MSRA: variants seen among roughly 807,000 people sequenced by gnomAD.
MSRA encodes methionine sulfoxide reductase A.
In MSRA, 54 loss-of-function variants were observed where a neutral mutation model predicts 31.3. The observed-to-expected ratio is 1.73, with a 90% confidence interval of 1.39 to 2.17. The LOEUF is 2.17. Among genes scored for constraint, MSRA ranks in the 30% most tolerant of loss-of-function variants. The probability of loss-of-function intolerance (pLI) is 0.00; values close to 1 mark genes in which losing one functional copy is unlikely to be tolerated. For synonymous variants in MSRA, 169 were observed against 116.5 expected, an observed-to-expected ratio of 1.45 and a Z score of -2.90; for missense variants, 507 against 300.9, an observed-to-expected ratio of 1.69 and a Z score of -5.07.
At chr8:10,380,849 G>C (rs901102917) in intron 5 of MSRA, among the ~76,000 whole-genome samples, 2 of 151,180 alleles carry the variant, frequency 1.3e-5, no homozygotes, top group African/African-American at 4.9e-5. Flanking sequence ...ATGGAATGCT[G>C]GCTGGCTGGC....
chr8:10,353,917 A>G (rs1361090627), intron 5 of MSRA: 1 of 219,068 alleles, frequency 4.6e-6, no homozygotes, highest in South Asian at 6.6e-5. Flanking sequence ...TAAGGATACA[A>G]AGGACCTTAT....
At chr8:10,117,568 A>C (rs2129016379) in intron 1 of MSRA, among the ~76,000 whole-genome samples, 1 of 152,288 alleles carries the variant, frequency 6.6e-6, no homozygotes, top group East Asian at 1.9e-4. Flanking sequence ...AGCTGTTGGG[A>C]GCATGTCTTT....
chr8:10,419,607 A>G (rs1392935861), intron 5 of MSRA, among the ~76,000 whole-genome samples: 2 of 152,168 alleles, frequency 1.3e-5, no homozygotes, highest in Non-Finnish European at 2.9e-5. Context: ...CATCCATTAG[A>G]AAATTGACAC....
intron 5 of MSRA, among the ~76,000 whole-genome samples, chr8:10,320,942 T>C (rs1802013180): frequency 6.6e-6 from 1 of 152,224 alleles, no homozygotes; most frequent in African/African-American, 2.4e-5. Context: ...TAATTACCTC[T>C]GTAAAGACCC....
chr8:10,393,739 C>G (rs1806913388), intron 5 of MSRA, among the ~76,000 whole-genome samples: 1 of 152,196 alleles, frequency 6.6e-6, no homozygotes, highest in African/African-American at 2.4e-5. Flanking sequence ...GTAATGGAGT[C>G]AGCACGTGGT....
chr8:10,238,284 A>T (rs191767662), intron 2 of MSRA, among the ~76,000 whole-genome samples: 2 of 152,154 alleles, frequency 1.3e-5, no homozygotes, highest in African/African-American at 4.8e-5. Context: ...GGCTCACCCT[A>T]TTTAAAATTG....
intron 5 of MSRA, among the ~76,000 whole-genome samples, chr8:10,427,901 G>C (rs368965645): frequency 6.6e-6 from 1 of 152,220 alleles, no homozygotes; most frequent in African/African-American, 2.4e-5. Context: ...TGGGGGTAGA[G>C]TGTAAGTTAC....
At chr8:10,162,065 C>G (rs1257349793) in intron 1 of MSRA, among the ~76,000 whole-genome samples, 1 of 152,144 alleles carries the variant, frequency 6.6e-6, no homozygotes, top group Non-Finnish European at 1.5e-5. Context: ...CAGCCCGTGA[C>G]ACTTTGAAGC....
intron 1 of MSRA, among the ~76,000 whole-genome samples, chr8:10,109,454 A>G (rs1187528263): frequency 1.3e-5 from 2 of 151,020 alleles, no homozygotes; most frequent in Admixed American, 6.6e-5. Flanking sequence ...CGATCCTTCC[A>G]CCTCAGCCTC....
intron 2 of MSRA, among the ~76,000 whole-genome samples, chr8:10,219,772 C>T (rs1810315940): frequency 1.6e-5 from 2 of 126,146 alleles, no homozygotes; most frequent in African/African-American, 6.3e-5. Flanking sequence ...CACCACTGCA[C>T]TTCAGCCTGG....
At chr8:10,365,279 G>A (rs1805096609) in intron 5 of MSRA, among the ~76,000 whole-genome samples, 1 of 151,876 alleles carries the variant, frequency 6.6e-6, no homozygotes, top group African/African-American at 2.4e-5. Context: ...CTCCCTCCGA[G>A]CATCTGTGGT....
intron 4 of MSRA, among the ~76,000 whole-genome samples, chr8:10,303,890 G>A (rs770774836): frequency 6.6e-6 from 1 of 152,146 alleles, no homozygotes; most frequent in Non-Finnish European, 1.5e-5. Flanking sequence ...ACAATCTTAT[G>A]CCCATTATAT....
At chr8:10,145,839 T>C (rs1226561106) in intron 1 of MSRA, among the ~76,000 whole-genome samples, 1 of 152,204 alleles carries the variant, frequency 6.6e-6, no homozygotes, top group African/African-American at 2.4e-5. Context: ...TGTGTGTGTG[T>C]GTGTAATGAT....
At chr8:10,336,964 A>G (rs1278690183) in intron 5 of MSRA, 1 of 152,198 alleles carries the variant, frequency 6.6e-6, no homozygotes, top group African/African-American at 2.4e-5. Context: ...GCTGAGTCCT[A>G]CCTGGCCACA....
At chr8:10,316,966 C>A (rs1049306237) in intron 4 of MSRA, among the ~76,000 whole-genome samples, 1 of 152,180 alleles carries the variant, frequency 6.6e-6, no homozygotes, top group African/African-American at 2.4e-5. Flanking sequence ...CCCTGGTGGT[C>A]TTCCTGTGCC....
intron 1 of MSRA, among the ~76,000 whole-genome samples, chr8:10,189,400 A>G (rs1807326187): frequency 6.6e-6 from 1 of 152,178 alleles, no homozygotes; most frequent in African/African-American, 2.4e-5. Flanking sequence ...AAGTAGAGTG[A>G]GTGTAAACCC....
At chr8:10,189,454 C>T (rs897091252) in intron 1 of MSRA, among the ~76,000 whole-genome samples, 1 of 152,098 alleles carries the variant, frequency 6.6e-6, no homozygotes, top group Non-Finnish European at 1.5e-5. Flanking sequence ...CGGTCTGTTA[C>T]CATAAAGTAT....
At chr8:10,270,487 G>C (rs1280046687) in intron 3 of MSRA, among the ~76,000 whole-genome samples, 2 of 151,762 alleles carry the variant, frequency 1.3e-5, no homozygotes, top group South Asian at 4.2e-4. Flanking sequence ...GTAATACAAA[G>C]AAAGAGAGTT....
intron 1 of MSRA, among the ~76,000 whole-genome samples, chr8:10,198,473 G>T (rs1269570862): frequency 6.6e-6 from 1 of 151,892 alleles, no homozygotes; most frequent in Non-Finnish European, 1.5e-5. Flanking sequence ...CCATGTGTGG[G>T]GTCATTCAGC....
Sources: gnomAD v4.1 joint callset for allele counts (sites outside exome capture counted in the v4.1 genomes callset) on GRCh38, gnomAD v4.1.1 for gene constraint, MANE v1.5 for transcripts, NCBI Gene and HGNC (gene_info 2026-07-23, HGNC 2026-07-21) for gene names.